The following SAE1 variants were observed in gnomAD, a reference collection of about 807,000 sequenced individuals.
The protein encoded by SAE1 is SUMO1 activating enzyme subunit 1, also known as SUMO-activating enzyme subunit 1.
Under a neutral mutation model 40.6 loss-of-function variants are expected in SAE1, and 11 were observed. The ratio of observed to expected loss-of-function variants is 0.27; its 90% CI spans 0.17 to 0.45. SAE1 has a LOEUF of 0.45. Among genes scored for constraint, SAE1 ranks in the 20% least tolerant of loss-of-function variants. The probability of loss-of-function intolerance (pLI) is 1.00; values close to 1 mark genes in which losing one functional copy is unlikely to be tolerated. For synonymous variants in SAE1, 155 were observed against 154.3 expected (o/e 1.00, Z -0.03); for missense variants, 373 against 427.3 (o/e 0.87, Z 1.12).
rs1555794398 is a variant in SAE1, at chr19:47,182,496, T to TGCGCGCGC, written c.733+12579_733+12580insGCGCGCGC. On this transcript the variant is annotated intron_variant, in intron 6 of 8. Coordinates refer to ENST00000270225, the MANE Select transcript of SAE1 (RefSeq NM_005500.3). The stretch of plus-strand genomic sequence containing the variant: ...GTGTGTGTGTGTGTGTGTGTGTGTG[T>TGCGCGCGC]GCGCGCACGCACGCGCGCGCGCACA... 2.0e-4 allele frequency among the ~76,000 whole-genome samples: 29 copies of TGCGCGCGC among 146,044 alleles called. 1 individual carries two copies. In the South Asian group the frequency reaches 2.9e-3, roughly 14 times the overall value.
At chr19:47,154,509 T>TTTTTTTTTTTTTTTTG (rs1170158203) in intron 4 of SAE1, among the ~76,000 whole-genome samples, 1 of 126,534 alleles carries the variant, frequency 7.9e-6, no homozygotes, top group African/African-American at 2.9e-5. Context: ...TTTTTTTTTT[T>TTTTTTTTTTTTTTTTG]TCTGAGACAG....
intron 1 of SAE1, among the ~76,000 whole-genome samples, chr19:47,141,042 C>G (rs909974315): frequency 6.6e-6 from 1 of 151,746 alleles, no homozygotes; most frequent in Non-Finnish European, 1.5e-5. Flanking sequence ...AACAGAGTCT[C>G]GCTGTGTCAC....
intron 2 of SAE1, among the ~76,000 whole-genome samples, chr19:47,146,813 G>A (rs374146775): frequency 6.6e-6 from 1 of 152,128 alleles, no homozygotes. Context: ...TGAGGCTTCT[G>A]GCTTGAGTGA....
chr19:47,173,788 T>TTTC (rs2058450057), intron 6 of SAE1, among the ~76,000 whole-genome samples: 1 of 146,658 alleles, frequency 6.8e-6, no homozygotes, highest in Non-Finnish European at 1.5e-5. Context: ...TTTCTTTTCT[T>TTTC]TTTTTTTTTT....
chr19:47,182,509 G>GCA (rs1568603204), intron 6 of SAE1, among the ~76,000 whole-genome samples: 3 of 148,326 alleles, frequency 2.0e-5, no homozygotes, highest in African/African-American at 7.7e-5. Context: ...GCGCACGCAC[G>GCA]CGCGCGCGCA....
intron 6 of SAE1, among the ~76,000 whole-genome samples, chr19:47,174,665 C>T (rs1051048110): frequency 1.8e-4 from 27 of 150,786 alleles, no homozygotes; most frequent in Non-Finnish European, 2.2e-4. Context: ...CTCTGCCTCC[C>T]GGGTTCACGC....
intron 6 of SAE1, among the ~76,000 whole-genome samples, chr19:47,188,742 A>C (rs1263998286): frequency 6.6e-6 from 1 of 152,188 alleles, no homozygotes; most frequent in Non-Finnish European, 1.5e-5. Flanking sequence ...CAGTAAGTGG[A>C]AGAATAGGGA....
At chr19:47,172,768 A>C (rs1408665157) in intron 6 of SAE1, among the ~76,000 whole-genome samples, 1 of 139,692 alleles carries the variant, frequency 7.2e-6, no homozygotes, top group Non-Finnish European at 1.6e-5. Flanking sequence ...TGTACACGCC[A>C]AAAAAAAAAA....
intron 6 of SAE1, among the ~76,000 whole-genome samples, chr19:47,191,114 A>T (rs967139365): frequency 6.6e-6 from 1 of 152,148 alleles, no homozygotes; most frequent in Non-Finnish European, 1.5e-5. Context: ...CCTGATCTGT[A>T]AAGTAGGATG....
chr19:47,183,633 C>A (rs984861818), intron 6 of SAE1, among the ~76,000 whole-genome samples: 1 of 152,158 alleles, frequency 6.6e-6, no homozygotes, highest in African/African-American at 2.4e-5. Context: ...GCCCACATCT[C>A]CCCCACTCCC....
intron 8 of SAE1, among the ~76,000 whole-genome samples, chr19:47,208,212 G>T (rs1347448322): frequency 6.6e-6 from 1 of 152,116 alleles, no homozygotes; most frequent in Non-Finnish European, 1.5e-5. Flanking sequence ...CCCAATGGTG[G>T]TGCAACACAG....
intron 4 of SAE1, 24 bp downstream of exon 4, chr19:47,153,064 G>T: frequency 1.3e-6 from 2 of 1,543,680 alleles, no homozygotes; most frequent in Admixed American, 2.0e-5. Flanking sequence ...GAGGAGGGGA[G>T]AACATAACAT....
chr19:47,138,670 A>G (rs2058197628), intron 1 of SAE1, among the ~76,000 whole-genome samples: 1 of 152,080 alleles, frequency 6.6e-6, no homozygotes, highest in Admixed American at 6.6e-5. Context: ...CTAATGGAGG[A>G]GGGGGCAGTA....
intron 7 of SAE1, among the ~76,000 whole-genome samples, chr19:47,198,102 A>ATC (rs367829929): frequency 2.0e-5 from 3 of 149,906 alleles, no homozygotes; most frequent in East Asian, 2.0e-4. Flanking sequence ...CTAGGTCACA[A>ATC]TCTCTCTCTC....
At position 47,209,011 on chromosome 19, in the gene SAE1, A is replaced by G. The variant is rs1187757955; in HGVS notation, c.949-148A>G. On this transcript the variant is annotated intron_variant, in intron 8 of 8. Transcript: ENST00000270225. ...AGAGCAAGGAGATAGGACAATCAAAATTGTCTCCAGACATTGCCAAATAGC... is the reference window on the plus strand; with the variant it reads ...AGAGCAAGGAGATAGGACAATCAAAGTTGTCTCCAGACATTGCCAAATAGC... 6.2e-6 allele frequency: 4 copies of G among 644,380 alleles called. No homozygotes were observed. In the African/African-American group the frequency reaches 7.3e-5, roughly 12 times the overall value. The allele number at this position is 644,380 out of a possible 1,614,324, so 39.9% of individuals were successfully genotyped here. A position where few individuals can be genotyped will look rare whatever the true frequency, so the allele number is the denominator to read the frequency against.
intron 6 of SAE1, among the ~76,000 whole-genome samples, chr19:47,195,957 C>T (rs2058611588): frequency 6.7e-6 from 1 of 150,156 alleles, no homozygotes; most frequent in African/African-American, 2.5e-5. Context: ...TTATCTCAAA[C>T]TCCTGGGCTC....
chr19:47,145,494 A>G lies in SAE1; in HGVS notation c.210+1889A>G, dbSNP rs151041692. 7.2e-5 allele frequency among the ~76,000 whole-genome samples: 11 copies of G among 152,276 alleles called. 1 individual carries two copies. The East Asian group carries it at 2.1e-3, about 29-fold the overall frequency. ...ATTATAATGGTAGAGCCCAACTCCA[A>G]TGTAGCTTTCTCTGACCAGGCTCAT... On this transcript the variant is annotated intron_variant, in intron 2 of 8. Coordinates refer to ENST00000270225, the MANE Select transcript of SAE1 (RefSeq NM_005500.3).
chr19:47,192,612 G>A (rs575409420), intron 6 of SAE1, among the ~76,000 whole-genome samples: 14 of 151,830 alleles, frequency 9.2e-5, no homozygotes, highest in African/African-American at 3.1e-4. Context: ...GTGTGATTTC[G>A]GCTCACCGCA....
At chr19:47,179,713 C>G (rs1235288221) in intron 6 of SAE1, among the ~76,000 whole-genome samples, 1 of 151,982 alleles carries the variant, frequency 6.6e-6, no homozygotes, top group Non-Finnish European at 1.5e-5. Context: ...TACAGGCATG[C>G]AATACCACAC....
Sources: gnomAD v4.1 joint callset for allele counts (sites outside exome capture counted in the v4.1 genomes callset) on GRCh38, gnomAD v4.1.1 for gene constraint, MANE v1.5 for transcripts, NCBI Gene and HGNC (gene_info 2026-07-23, HGNC 2026-07-21) for gene names.